IL1RAPL1: variants seen among roughly 807,000 people sequenced by gnomAD.
The protein encoded by IL1RAPL1 is interleukin 1 receptor accessory protein like 1.
Under a neutral mutation model 48.4 loss-of-function variants are expected in IL1RAPL1, and 3 were observed. The observed-to-expected ratio is 0.06, with a 90% confidence interval of 0.03 to 0.16. IL1RAPL1 has a LOEUF of 0.16. IL1RAPL1 is among the 10% of genes least tolerant of loss of function. The pLI, the probability that IL1RAPL1 is intolerant of heterozygous loss-of-function variation, is 1.00. For missense variants in IL1RAPL1, 349 were observed against 530.6 expected (o/e 0.66, Z 3.36); for synonymous variants, 185 against 187.7 (o/e 0.99, Z 0.12).
At chrX:28,724,947 TTG>T (rs1245901342) in intron 1 of IL1RAPL1, among the ~76,000 whole-genome samples, 16 of 107,065 alleles carry the variant, frequency 1.5e-4, no homozygotes, top group African/African-American at 4.5e-4. Context: ...CCAACTCAAT[TTG>T]TTTTTTTTTT....
At chrX:29,467,307 A>T (rs1033382959) in intron 5 of IL1RAPL1, among the ~76,000 whole-genome samples, 1 of 112,583 alleles carries the variant, frequency 8.9e-6, no homozygotes, top group African/African-American at 3.2e-5. Context: ...GCCTTGCCTT[A>T]AAAGAAGTGT....
chrX:28,773,569 T>A (rs1201834013), intron 1 of IL1RAPL1, among the ~76,000 whole-genome samples: 1 of 111,821 alleles, frequency 8.9e-6, no homozygotes, highest in Non-Finnish European at 1.9e-5. Flanking sequence ...AGCTCATATT[T>A]CTATCACTAA....
intron 1 of IL1RAPL1, among the ~76,000 whole-genome samples, chrX:28,730,406 G>A (rs1935739985): frequency 9.0e-6 from 1 of 111,088 alleles, no homozygotes; most frequent in South Asian, 3.8e-4. Flanking sequence ...TATCAGTTAT[G>A]TATTCAGAGG....
At chrX:29,057,672 G>A (rs1003139843) in intron 2 of IL1RAPL1, among the ~76,000 whole-genome samples, 2 of 110,675 alleles carry the variant, frequency 1.8e-5, no homozygotes, top group African/African-American at 3.3e-5. Flanking sequence ...CAGGTGATCC[G>A]CCCGCCTCGG....
chrX:29,578,801 G>T (rs1922861984), intron 5 of IL1RAPL1, among the ~76,000 whole-genome samples: 1 of 111,542 alleles, frequency 9.0e-6, no homozygotes. Context: ...TGAATTTGTA[G>T]ATGTATCAGT....
intron 2 of IL1RAPL1, among the ~76,000 whole-genome samples, chrX:29,036,620 C>A (rs1323472638): frequency 8.9e-6 from 1 of 112,008 alleles, no homozygotes. Flanking sequence ...GTAGAAACAT[C>A]ACAACCATTT....
At chrX:28,783,014 G>C (rs1249620032) in intron 1 of IL1RAPL1, among the ~76,000 whole-genome samples, 9 of 111,148 alleles carry the variant, frequency 8.1e-5, no homozygotes, top group African/African-American at 2.6e-4. Flanking sequence ...AGCACTATTG[G>C]TTTTTAACCT....
chrX:29,730,801 A>C (rs1456271440), intron 6 of IL1RAPL1, among the ~76,000 whole-genome samples: 2 of 111,540 alleles, frequency 1.8e-5, no homozygotes, highest in Non-Finnish European at 3.8e-5. Flanking sequence ...TTCTATTAGG[A>C]GATTGGTACC....
At chrX:29,467,299 C>T (rs1241333830) in intron 5 of IL1RAPL1, among the ~76,000 whole-genome samples, 1 of 112,403 alleles carries the variant, frequency 8.9e-6, no homozygotes, top group Non-Finnish European at 1.9e-5. Context: ...ATTGCCATGC[C>T]TTGCCTTAAA....
chrX:29,954,442 A>G, intron 9 of IL1RAPL1, 80 bp from the exon 10 acceptor site: 1 of 845,674 alleles, frequency 1.2e-6, no homozygotes, highest in Non-Finnish European at 1.7e-6. Flanking sequence ...GACGTTTATG[A>G]AAAAAAGTGC....
At chrX:28,746,174 A>G (rs911605247) in intron 1 of IL1RAPL1, among the ~76,000 whole-genome samples, 30 of 111,384 alleles carry the variant, frequency 2.7e-4, no homozygotes, top group African/African-American at 9.5e-4. Flanking sequence ...GCCATAAAAA[A>G]GGATGAGTTC....
intron 1 of IL1RAPL1, among the ~76,000 whole-genome samples, chrX:28,603,394 A>G (rs995789497): frequency 1.8e-5 from 2 of 112,067 alleles, no homozygotes; most frequent in African/African-American, 6.5e-5. Flanking sequence ...TGAATCCCAA[A>G]TGCTCACGTG....
chrX:29,893,594 A>G (rs922160636), intron 6 of IL1RAPL1, among the ~76,000 whole-genome samples: 2 of 111,551 alleles, frequency 1.8e-5, no homozygotes, highest in Non-Finnish European at 3.8e-5. Flanking sequence ...ATCAAAATAT[A>G]TATCATATAT....
chrX:29,070,553 T>C (rs779367434), intron 2 of IL1RAPL1, among the ~76,000 whole-genome samples: 25 of 111,498 alleles, frequency 2.2e-4, no homozygotes, highest in Admixed American at 5.8e-4. Flanking sequence ...CCCTGGATCC[T>C]GATTTCTATC....
At chrX:29,693,987 A>C (rs1290023349) in intron 6 of IL1RAPL1, among the ~76,000 whole-genome samples, 1 of 111,745 alleles carries the variant, frequency 8.9e-6, no homozygotes, top group Non-Finnish European at 1.9e-5. Context: ...AGCACTATTC[A>C]TATCTACAAT....
intron 5 of IL1RAPL1, among the ~76,000 whole-genome samples, chrX:29,555,019 T>G (rs1036149648): frequency 2.5e-4 from 28 of 112,625 alleles, no homozygotes; most frequent in African/African-American, 8.7e-4. Flanking sequence ...GGCCTGCAAG[T>G]CTGTGCAGAG....
intron 3 of IL1RAPL1, among the ~76,000 whole-genome samples, chrX:29,387,493 A>G (rs1602208856): frequency 8.9e-6 from 1 of 112,175 alleles, no homozygotes; most frequent in African/African-American, 3.2e-5. Flanking sequence ...AATGTGACTC[A>G]CACATTTATC....
intron 5 of IL1RAPL1, chrX:29,574,487 C>G (rs138051682): frequency 2.7e-5 from 3 of 110,191 alleles, no homozygotes; most frequent in East Asian, 2.9e-4. Context: ...AGCATTAACT[C>G]AAAAGTCCGC....
At chrX:28,831,724 A>G (rs886277116) in intron 2 of IL1RAPL1, among the ~76,000 whole-genome samples, 1 of 111,582 alleles carries the variant, frequency 9.0e-6, no homozygotes, top group Non-Finnish European at 1.9e-5. Flanking sequence ...CAGAGTTCTG[A>G]AAAAGTTGAT....
Sources: allele counts gnomAD v4.1 joint callset (sites outside exome capture counted in the v4.1 genomes callset), GRCh38; gene constraint gnomAD v4.1.1; transcripts MANE v1.5; gene names NCBI Gene and HGNC (gene_info 2026-07-23, HGNC 2026-07-21).